SHISA9: variants seen among roughly 807,000 people sequenced by gnomAD.
The protein encoded by SHISA9 is protein shisa-9.
SHISA9 carries 13 observed loss-of-function variants against 38.0 expected under a neutral mutation model. That is an observed-to-expected ratio of 0.34 (90% confidence interval 0.22 to 0.54). SHISA9 has a LOEUF of 0.54. SHISA9 is among the 20% of genes least tolerant of loss of function. The pLI, the probability that SHISA9 is intolerant of heterozygous loss-of-function variation, is 0.91. For missense variants in SHISA9, 538 were observed against 575.8 expected, an observed-to-expected ratio of 0.93 and a Z score of 0.67; for synonymous variants, 275 against 242.0, an observed-to-expected ratio of 1.14 and a Z score of -1.27.
intron 2 of SHISA9, among the ~76,000 whole-genome samples, chr16:12,923,259 G>C (rs1197357878): frequency 6.6e-6 from 1 of 152,262 alleles, no homozygotes; most frequent in Non-Finnish European, 1.5e-5. Context: ...GCCAGGTGCA[G>C]TGGCTCACAC....
At chr16:13,426,471 C>T in the SHISA9 span, among the ~76,000 whole-genome samples, 4 of 152,266 alleles carry the variant, frequency 2.6e-5, no homozygotes, top group Non-Finnish European at 5.9e-5. Context: ...CTGGGAGGCA[C>T]TGTCTGTGTA....
chr16:13,115,715 A>T (rs1567217217), intron 2 of SHISA9, among the ~76,000 whole-genome samples: 1 of 152,204 alleles, frequency 6.6e-6, no homozygotes, highest in Non-Finnish European at 1.5e-5. Flanking sequence ...ATAAAAACAT[A>T]TGATGGCCTA....
chr16:13,225,448 G>C (rs1193312207), intron 4 of SHISA9, among the ~76,000 whole-genome samples: 4 of 152,150 alleles, frequency 2.6e-5, no homozygotes, highest in Non-Finnish European at 5.9e-5. Context: ...CAGACCTCAG[G>C]GACCACTGCA....
At chr16:13,426,243 CTCAT>C in the SHISA9 span, among the ~76,000 whole-genome samples, 1 of 152,146 alleles carries the variant, frequency 6.6e-6, no homozygotes, top group Non-Finnish European at 1.5e-5. Flanking sequence ...TATGTGTTAT[CTCAT>C]TTAATTCTCA....
intron 2 of SHISA9, among the ~76,000 whole-genome samples, chr16:13,002,653 C>G (rs947006701): frequency 5.9e-5 from 9 of 151,820 alleles, no homozygotes; most frequent in African/African-American, 2.2e-4. Flanking sequence ...CTGCCTCACC[C>G]TCCTGAGTAG....
intron 2 of SHISA9, among the ~76,000 whole-genome samples, chr16:13,110,751 A>G (rs2073970465): frequency 6.6e-6 from 1 of 152,192 alleles, no homozygotes; most frequent in Admixed American, 6.5e-5. Flanking sequence ...ATCCTGGAGA[A>G]AGCTGGGGAA....
chr16:12,910,679 A>T (rs1461200141), intron 1 of SHISA9: 2 of 985,318 alleles, frequency 2.0e-6, no homozygotes, highest in Non-Finnish European at 2.4e-6. Flanking sequence ...ATTCTCCTGA[A>T]CTGGGTGGAA....
At chr16:13,241,628 G>A (rs2051436137), downstream of SHISA9, among the ~76,000 whole-genome samples, 1 of 152,218 alleles carries the variant, frequency 6.6e-6, no homozygotes, top group African/African-American at 2.4e-5. Flanking sequence ...CACAGTGGCT[G>A]CCCAAAGCCA....
At chr16:13,268,158 G>C in the SHISA9 span, among the ~76,000 whole-genome samples, 1 of 152,018 alleles carries the variant, frequency 6.6e-6, no homozygotes, top group Non-Finnish European at 1.5e-5. Context: ...GATAGACACT[G>C]GGGGTAAAAA....
chr16:12,914,185 A>G (rs2071224176), intron 1 of SHISA9, among the ~76,000 whole-genome samples: 2 of 151,130 alleles, frequency 1.3e-5, no homozygotes, highest in South Asian at 4.2e-4. Flanking sequence ...AGCTGGGACT[A>G]GGGGCATGCT....
intron 2 of SHISA9, among the ~76,000 whole-genome samples, chr16:13,138,377 T>C (rs906832736): frequency 6.6e-6 from 1 of 152,226 alleles, no homozygotes; most frequent in African/African-American, 2.4e-5. Context: ...AGTGTCCTTC[T>C]CCTACACTGT....
At chr16:13,443,673 A>C in the SHISA9 span, among the ~76,000 whole-genome samples, 1 of 152,340 alleles carries the variant, frequency 6.6e-6, no homozygotes, top group Admixed American at 6.5e-5. Flanking sequence ...ATTTTAAACA[A>C]GAAAATAAAA....
the SHISA9 span, among the ~76,000 whole-genome samples, chr16:13,529,435 C>G: frequency 6.6e-6 from 1 of 152,176 alleles, no homozygotes; most frequent in Non-Finnish European, 1.5e-5. Context: ...CTAAACCCAC[C>G]TATGACCTGT....
chr16:13,049,151 G>C (rs1224528970), intron 2 of SHISA9, among the ~76,000 whole-genome samples: 1 of 120,004 alleles, frequency 8.3e-6, no homozygotes, highest in Non-Finnish European at 1.7e-5. Flanking sequence ...GCTTTGGTTA[G>C]GAGTATGTGT....
chr16:13,383,966 A>G, the SHISA9 span, among the ~76,000 whole-genome samples: 1 of 152,174 alleles, frequency 6.6e-6, no homozygotes, highest in African/African-American at 2.4e-5. Context: ...ACACCAACCT[A>G]ATACTTTAAA....
chr16:12,990,590 T>C (rs899617648), intron 2 of SHISA9, among the ~76,000 whole-genome samples: 3 of 152,216 alleles, frequency 2.0e-5, no homozygotes, highest in Non-Finnish European at 4.4e-5. Context: ...TCAGCGATTC[T>C]CAATGCAGGT....
At chr16:13,459,011 C>A in the SHISA9 span, among the ~76,000 whole-genome samples, 1 of 151,806 alleles carries the variant, frequency 6.6e-6, no homozygotes, top group Admixed American at 6.6e-5. Flanking sequence ...CACCACCACG[C>A]CTGGCTAATT....
intron 2 of SHISA9, among the ~76,000 whole-genome samples, chr16:13,137,969 A>C (rs900072780): frequency 1.3e-4 from 20 of 152,140 alleles, no homozygotes; most frequent in Non-Finnish European, 2.9e-4. Flanking sequence ...TGCATCTCAG[A>C]TGTTACATGA....
chr16:13,257,776 T>A, the SHISA9 span, among the ~76,000 whole-genome samples: 2 of 152,210 alleles, frequency 1.3e-5, no homozygotes, highest in African/African-American at 4.8e-5. Context: ...TCTTAATATT[T>A]TAGGCTCCCT....
Sources: gnomAD v4.1 joint callset for allele counts (sites outside exome capture counted in the v4.1 genomes callset) on GRCh38, gnomAD v4.1.1 for gene constraint, MANE v1.5 for transcripts, NCBI Gene and HGNC (gene_info 2026-07-23, HGNC 2026-07-21) for gene names.